Variants in UBE2H observed in about 807,000 individuals in gnomAD.
The protein encoded by UBE2H is ubiquitin-conjugating enzyme E2 H.
In UBE2H, 3 loss-of-function variants were observed where a neutral mutation model predicts 29.0. The ratio of observed to expected loss-of-function variants is 0.10; its 90% CI spans 0.05 to 0.27. The LOEUF (loss-of-function observed/expected upper bound fraction) is 0.27, where lower values mean the gene tolerates loss of function less well. UBE2H is among the 10% of genes least tolerant of loss of function. The pLI is 1.00. For synonymous variants in UBE2H, 69 were observed against 82.9 expected (o/e 0.83, Z 0.91); for missense variants, 68 against 228.2 (o/e 0.30, Z 4.52).
chr7:129,893,072 C>T (rs552973756), intron 1 of UBE2H, among the ~76,000 whole-genome samples: 2 of 152,160 alleles, frequency 1.3e-5, no homozygotes, highest in African/African-American at 4.8e-5. Flanking sequence ...ATTTAAAGAC[C>T]CATTATCTTA....
chr7:129,889,358 C>T (rs954506613), intron 1 of UBE2H, among the ~76,000 whole-genome samples: 1 of 152,230 alleles, frequency 6.6e-6, no homozygotes, highest in Admixed American at 6.5e-5. Flanking sequence ...GCCTTCACAG[C>T]TGAACAGACC....
intron 1 of UBE2H, among the ~76,000 whole-genome samples, chr7:129,886,767 TAAAAAAAAAAA>T (rs79067201): frequency 4.7e-4 from 34 of 72,062 alleles, no homozygotes; most frequent in African/African-American, 1.4e-3. Context: ...TGTTTTTTGG[TAAAAAAAAAAA>T]AAAAAAAAAA....
intron 3 of UBE2H, among the ~76,000 whole-genome samples, chr7:129,862,199 T>G (rs865784632): frequency 2.6e-5 from 4 of 152,142 alleles, no homozygotes; most frequent in African/African-American, 9.7e-5. Context: ...TGCAAGAGAA[T>G]GGTCCTACTA....
chr7:129,934,889 T>C (rs571631859), intron 1 of UBE2H, among the ~76,000 whole-genome samples: 3 of 151,002 alleles, frequency 2.0e-5, no homozygotes, highest in African/African-American at 7.3e-5. Flanking sequence ...CAAGACCCCA[T>C]TTCTACAAAA....
chr7:129,922,932 C>A (rs756580844), intron 1 of UBE2H, among the ~76,000 whole-genome samples: 1 of 151,854 alleles, frequency 6.6e-6, no homozygotes, highest in African/African-American at 2.4e-5. Context: ...GAAGGAGTCT[C>A]GCTCTGTCGC....
At chr7:129,835,625 T>C (rs1314885640) in intron 6 of UBE2H, among the ~76,000 whole-genome samples, 1 of 152,162 alleles carries the variant, frequency 6.6e-6, no homozygotes, top group Non-Finnish European at 1.5e-5. Context: ...CGGCTCTGAG[T>C]GGTTTTTCCA....
chr7:129,857,563 C>T lies in UBE2H; in HGVS notation c.246G>A (p.Ala82=). 1.2e-6 allele frequency: 2 copies of T among 1,610,120 alleles called. No homozygotes were observed. The highest frequency in any genetic ancestry group is 2.2e-5 in the South Asian group (2 of 90,112). ...TTACATCTAGACACACAGTTCCTGACCTGAAACAGATGGAAAGAATGGCAT... is the reference window on the plus strand; with the variant it reads ...TTACATCTAGACACACAGTTCCTGATCTGAAACAGATGGAAAGAATGGCAT... The part of the protein sequence containing the change: ...NKIFHPNIDE[A]SGTVCLDVIN... The change falls in exon 5 of 7, where the codon GCG becomes GCA. Residue 82 remains alanine, a splice_region_variant and synonymous_variant. Transcript: ENST00000355621.
At chr7:129,843,764 G>T (rs1805467341) in intron 5 of UBE2H, among the ~76,000 whole-genome samples, 1 of 152,132 alleles carries the variant, frequency 6.6e-6, no homozygotes, top group Admixed American at 6.5e-5. Context: ...GAGGTAACCC[G>T]CAGACACCTG....
At chr7:129,845,063 G>A (rs761658400) in intron 5 of UBE2H, among the ~76,000 whole-genome samples, 2 of 152,192 alleles carry the variant, frequency 1.3e-5, no homozygotes, top group Non-Finnish European at 2.9e-5. Context: ...CTGGGAGGCA[G>A]AGGTTGTAGT....
At chr7:129,864,742 T>C (rs184507845) in intron 3 of UBE2H, among the ~76,000 whole-genome samples, 163 of 151,938 alleles carry the variant, frequency 1.1e-3, no homozygotes, top group African/African-American at 3.6e-3. Context: ...TTAGTAGAGA[T>C]GGGGTTTCAC....
At chr7:129,852,336 A>G (rs1163750586) in intron 5 of UBE2H, among the ~76,000 whole-genome samples, 1 of 152,178 alleles carries the variant, frequency 6.6e-6, no homozygotes, top group Non-Finnish European at 1.5e-5. Context: ...AATAAATTTT[A>G]GGTGCCTGTA....
intron 3 of UBE2H, among the ~76,000 whole-genome samples, chr7:129,864,708 C>T (rs1368619508): frequency 4.6e-5 from 7 of 151,872 alleles, no homozygotes; most frequent in Non-Finnish European, 7.4e-5. Flanking sequence ...CCCACCACCA[C>T]ACCCAGCTAA....
Position 129,902,955 on chromosome 7 carries a change from TGAATACACTGTC to T in UBE2H, c.54-21996_54-21985del, listed in dbSNP as rs549945395. Among the ~76,000 whole-genome samples, 24 of 152,314 alleles carry T rather than the reference TGAATACACTGTC, an allele frequency of 1.6e-4. No individual in the cohort carries two copies. In the East Asian group the frequency reaches 4.6e-3, roughly 29 times the overall value. ...CAAGTATTGTTTCCATTATAAAAAATGAATACACTGTCGGGCTGCAACCCCGTCCAAGGTCGG... is the reference window on the plus strand; with the variant it reads ...CAAGTATTGTTTCCATTATAAAAAATGGGCTGCAACCCCGTCCAAGGTCGG... On this transcript the variant is annotated intron_variant, in intron 1 of 6. Coordinates refer to ENST00000355621, the MANE Select transcript of UBE2H (RefSeq NM_003344.4).
intron 3 of UBE2H, among the ~76,000 whole-genome samples, chr7:129,877,879 C>T (rs1412369349): frequency 2.0e-5 from 3 of 152,080 alleles, no homozygotes; most frequent in Non-Finnish European, 4.4e-5. Context: ...TCTATAAGTT[C>T]ACTCTTAGTT....
chr7:129,911,601 G>A (rs969616178), intron 1 of UBE2H, among the ~76,000 whole-genome samples: 2 of 152,002 alleles, frequency 1.3e-5, no homozygotes, highest in African/African-American at 4.8e-5. Context: ...CTAGAGTTTA[G>A]GAAACAACAA....
At chr7:129,902,542 C>A (rs1041608991) in intron 1 of UBE2H, among the ~76,000 whole-genome samples, 2 of 152,138 alleles carry the variant, frequency 1.3e-5, no homozygotes, top group South Asian at 2.1e-4. Flanking sequence ...ATAAGGGAGG[C>A]TCCATGGGAC....
At chr7:129,947,664 G>T (rs1464607449) in intron 1 of UBE2H, among the ~76,000 whole-genome samples, 1 of 152,048 alleles carries the variant, frequency 6.6e-6, no homozygotes, top group Non-Finnish European at 1.5e-5. Flanking sequence ...TCTATTCCTT[G>T]AAAAGTCCAC....
At chr7:129,850,839 A>G (rs1334887935) in intron 5 of UBE2H, among the ~76,000 whole-genome samples, 6 of 142,430 alleles carry the variant, frequency 4.2e-5, no homozygotes, top group Admixed American at 7.0e-5. Flanking sequence ...GAGAGAGAGA[A>G]AGAGAGAGAG....
At chr7:129,877,323 T>C (rs934040503) in intron 3 of UBE2H, among the ~76,000 whole-genome samples, 1 of 152,152 alleles carries the variant, frequency 6.6e-6, no homozygotes, top group South Asian at 2.1e-4. Flanking sequence ...AATGTTGAGA[T>C]TGGGTTGATC....
Sources: allele counts gnomAD v4.1 joint callset (sites outside exome capture counted in the v4.1 genomes callset), GRCh38; gene constraint gnomAD v4.1.1; transcripts MANE v1.5; gene names NCBI Gene and HGNC (gene_info 2026-07-23, HGNC 2026-07-21).